The following TMCO6 variants were observed in gnomAD, a reference collection of about 807,000 sequenced individuals.
The protein encoded by TMCO6 is transmembrane and coiled-coil domain-containing protein 6.
TMCO6 carries 47 observed loss-of-function variants against 61.8 expected under a neutral mutation model. The observed-to-expected ratio is 0.76, with a 90% CI of 0.60 to 0.97. The LOEUF (loss-of-function observed/expected upper bound fraction) is 0.97. Among genes scored for constraint, TMCO6 ranks in the 50% least tolerant of loss-of-function variants. TMCO6 has a pLI of 0.00. For synonymous variants in TMCO6, 261 were observed against 254.2 expected (o/e 1.03, Z -0.25); for missense variants, 557 against 601.6 (o/e 0.93, Z 0.78).
rs748953381 is a variant in TMCO6, at chr5:140,639,598, G to A, written c.71G>A (p.Arg24Gln). Reference sequence around the variant, plus strand: ...GTGGAGGAGCTACGGCGCCGCCGGCGGGAGCGGGAGGCAGGTGTGGGCGGC... The same window carrying A: ...GTGGAGGAGCTACGGCGCCGCCGGCAGGAGCGGGAGGCAGGTGTGGGCGGC... ...CGVEELRRRR[R>Q]EREAALRKAR... Residue 24 changes from arginine to glutamine, a missense_variant, in exon 1 of 12, where the codon CGG (arginine) becomes CAG (glutamine). Arg to Gln is a conservative substitution (Grantham distance 43). Coordinates refer to ENST00000394671, the MANE Select transcript of TMCO6 (RefSeq NM_018502.5). 8 of 1,543,714 alleles carry A rather than the reference G, an allele frequency of 5.2e-6. 1 individual carries two copies. The Admixed American group carries it at 8.1e-5, about 16-fold the overall frequency.
chr5:140,647,370 G>A, downstream of TMCO6: 3 of 1,611,206 alleles, frequency 1.9e-6, no homozygotes, highest in African/African-American at 1.3e-5. Context: ...TCCCTGCGGG[G>A]CCGGAGAGAG....
downstream of TMCO6, chr5:140,647,470 C>A: frequency 1.2e-6 from 2 of 1,611,700 alleles, no homozygotes; most frequent in Non-Finnish European, 1.7e-6. Context: ...CGCCTCACCA[C>A]GCCGCGCCTC....
intron 4 of TMCO6, 83 bp from the exon 5 acceptor site, chr5:140,642,232 C>A: frequency 1.4e-6 from 2 of 1,415,526 alleles, no homozygotes; most frequent in African/African-American, 1.4e-5. Context: ...CTCCAGCGTC[C>A]CCATCACCTC....
chr5:140,605,692 AACACACACACAC>A, the TMCO6 span, among the ~76,000 whole-genome samples: 733 of 118,670 alleles, frequency 6.2e-3, 5 homozygotes, highest in Non-Finnish European at 7.7e-3. Context: ...AAAAAAACAA[AACACACACACAC>A]ACACACACAC....
chr5:140,606,110 C>T, the TMCO6 span, among the ~76,000 whole-genome samples: 1 of 130,442 alleles, frequency 7.7e-6, no homozygotes, highest in Non-Finnish European at 1.6e-5. Context: ...TTTTCCTTCC[C>T]TTTCCTTTCC....
chr5:140,600,996 A>G, the TMCO6 span, among the ~76,000 whole-genome samples: 5 of 152,210 alleles, frequency 3.3e-5, no homozygotes, highest in South Asian at 2.1e-4. Context: ...CATTTTATAA[A>G]TACTAGGTAG....
At chr5:140,628,300 A>G in the TMCO6 span, among the ~76,000 whole-genome samples, 2 of 152,178 alleles carry the variant, frequency 1.3e-5, no homozygotes, top group Middle Eastern at 3.2e-3. Flanking sequence ...GTTCCCTGAA[A>G]TGTAAACTTG....
Position 140,643,472 on chromosome 5 carries a change from C to T in TMCO6, c.807-92C>T. On this transcript the variant is annotated intron_variant, in intron 7 of 11. Coordinates refer to ENST00000394671, the MANE Select transcript of TMCO6 (RefSeq NM_018502.5). ...TCAGCCTCCCAAAGTGCTGGGATTA[C>T]AGGCATAAGCCACCACGCCTAGGCA... 2.5e-6 allele frequency: 3 copies of T among 1,206,768 alleles called. No homozygotes were observed. The South Asian group carries it at 3.7e-5, about 15-fold the overall frequency. The allele number at this position is 1,206,768 out of a possible 1,614,324, so 74.8% of individuals were successfully genotyped here.
chr5:140,634,124 G>A, the TMCO6 span, among the ~76,000 whole-genome samples: 3 of 152,052 alleles, frequency 2.0e-5, no homozygotes, highest in Non-Finnish European at 4.4e-5. Context: ...ATTTAACAGA[G>A]ACACATTGGC....
Position 140,644,661 on chromosome 5 carries a change from A to T in TMCO6, c.1289A>T (p.His430Leu), listed in dbSNP as rs1279179491. The T allele has an allele frequency of 2.5e-6, 4 of 1,614,094 alleles. No individual in the cohort carries two copies. The highest frequency in any genetic ancestry group is 3.4e-6 in the Non-Finnish European group (4 of 1,180,050). ...GGGCCCCTGCTTCCCGCCTTGCTGC[A>T]CACACTAGCCTTTTCTGACACTGAA... ...WPGPLLPALLHTLAFSDTEVV... is the reference protein window; with the variant it reads ...WPGPLLPALLLTLAFSDTEVV... Residue 430 changes from histidine to leucine, a missense_variant, in exon 11 of 12, where the codon CAC becomes CTC. By Grantham distance (99) the His-to-Leu change is moderately conservative. Coordinates refer to ENST00000394671, the MANE Select transcript of TMCO6 (RefSeq NM_018502.5).
At chr5:140,612,931 A>G in the TMCO6 span, among the ~76,000 whole-genome samples, 8 of 152,352 alleles carry the variant, frequency 5.3e-5, no homozygotes, top group African/African-American at 1.9e-4. Flanking sequence ...AACATTTGCC[A>G]TGTACCAGGC....
Position 140,639,769 on chromosome 5 carries a change from T to C in TMCO6, c.116T>C (p.Leu39Pro). 1 of 1,605,458 alleles carries C rather than the reference T, an allele frequency of 6.2e-7. No homozygotes were observed. The highest frequency in any genetic ancestry group is 8.5e-7 in the Non-Finnish European group (1 of 1,176,786). ...CGGAAGGCGCGGAGGGAGCAGCAGC[T>C]GGTCAGCAAGAGGCTGCTGAGAAAC... is the stretch of plus-strand genomic sequence containing the variant. Reference protein sequence around the residue: ...ALRKARREQQLVSKRLLRNDA... With the variant: ...ALRKARREQQPVSKRLLRNDA... The change falls in exon 2 of 12, where the codon CTG (leucine) becomes CCG (proline). Residue 39 changes from leucine to proline, a missense_variant. Transcript: ENST00000394671.
At chr5:140,603,381 C>T in the TMCO6 span, among the ~76,000 whole-genome samples, 1 of 152,084 alleles carries the variant, frequency 6.6e-6, no homozygotes, top group African/African-American at 2.4e-5. Flanking sequence ...GATCTTGGCT[C>T]ACTGCAACCT....
downstream of TMCO6, chr5:140,647,393 T>G: frequency 6.2e-7 from 1 of 1,611,116 alleles, no homozygotes; most frequent in East Asian, 2.2e-5. Context: ...CCGCGCGTGC[T>G]GTGGGCGGGG....
chr5:140,626,571 C>G, the TMCO6 span, among the ~76,000 whole-genome samples: 1 of 152,134 alleles, frequency 6.6e-6, no homozygotes, highest in African/African-American at 2.4e-5. Context: ...AGGTCATTCC[C>G]CTTGACCACC....
At chr5:140,631,980 C>T in the TMCO6 span, 2 of 1,613,894 alleles carry the variant, frequency 1.2e-6, no homozygotes, top group Non-Finnish European at 1.7e-6. Context: ...GAGGGCAGTT[C>T]CAGGGACCAG....
chr5:140,613,402 A>T, the TMCO6 span, among the ~76,000 whole-genome samples: 1 of 150,868 alleles, frequency 6.6e-6, no homozygotes, highest in African/African-American at 2.4e-5. Context: ...AAAAAAAAAA[A>T]AAAAAAAAAA....
chr5:140,608,599 C>A, the TMCO6 span, among the ~76,000 whole-genome samples: 1 of 152,160 alleles, frequency 6.6e-6, no homozygotes, highest in African/African-American at 2.4e-5. Flanking sequence ...AGATTAGTTT[C>A]TGTGTTTTCT....
At chr5:140,632,679 G>A in the TMCO6 span, 2 of 1,613,856 alleles carry the variant, frequency 1.2e-6, no homozygotes, top group Non-Finnish European at 1.7e-6. The surrounding 1 kb of genome is among the most constrained non-coding windows in gnomAD (Gnocchi z 6.2). Context: ...TAGCTGAGCA[G>A]GAACCTGTGC....
Sources: gnomAD v4.1 joint callset for allele counts (sites outside exome capture counted in the v4.1 genomes callset) on GRCh38, gnomAD v4.1.1 for gene constraint, Gnocchi (gnomAD v3.1) non-coding constraint, MANE v1.5 for transcripts, NCBI Gene and HGNC (gene_info 2026-07-23, HGNC 2026-07-21) for gene names.